Variants in CLEC11A observed in about 807,000 individuals in gnomAD.
The protein encoded by CLEC11A is C-type lectin domain family 11 member A.
A neutral mutation model predicts 33.9 loss-of-function variants in CLEC11A; 35 were observed. The observed-to-expected ratio is 1.03, with a 90% CI of 0.79 to 1.37. The LOEUF (loss-of-function observed/expected upper bound fraction) is 1.37. Among genes scored for constraint, CLEC11A ranks in the 40% most tolerant of loss-of-function variants. The pLI is 0.00. For missense variants in CLEC11A, 519 were observed against 455.5 expected (o/e 1.14, Z -1.27); for synonymous variants, 220 against 202.2 (o/e 1.09, Z -0.75).
Position 50,724,445 on chromosome 19 carries a change from C to A in CLEC11A, c.370C>A (p.Gln124Lys). ...RLAGLDAGLH[Q>K]LHVRLHALDT... ...GGCCGGCCTGGACGCAGGCCTGCACCAGCTGCACGTCCGTCTGCACGCGTT... is the reference window on the plus strand; with the variant it reads ...GGCCGGCCTGGACGCAGGCCTGCACAAGCTGCACGTCCGTCTGCACGCGTT... Residue 124 changes from glutamine (Q) to lysine (K), a missense_variant, in exon 3 of 4, where the codon CAG becomes AAG. Physicochemically the swap from Gln to Lys is moderately conservative, Grantham distance 53. Coordinates refer to ENST00000250340, the MANE Select transcript of CLEC11A (RefSeq NM_002975.3). The surrounding 1 kb of genome is among the most constrained non-coding windows in gnomAD (Gnocchi z 4.1). 6.4e-7 allele frequency: 1 copy of A among 1,556,338 alleles called. No individual in the cohort carries two copies. Among genetic ancestry groups the A allele is most frequent in the Middle Eastern group, 2.2e-4 (1 of 4,510 alleles).
rs1241917300 is a variant in CLEC11A at position 50,724,036 on chromosome 19, C to T, written c.279C>T (p.Thr93=). The T allele has an allele frequency of 3.1e-6, 5 of 1,611,864 alleles. No individual in the cohort carries two copies. In the South Asian group the frequency reaches 5.5e-5, roughly 18 times the overall value. Residue 93 remains threonine, a synonymous_variant, in exon 2 of 4, where the codon ACC becomes ACT. Coordinates refer to ENST00000250340, the MANE Select transcript of CLEC11A (RefSeq NM_002975.3). The surrounding 1 kb of genome is among the most constrained non-coding windows in gnomAD (Gnocchi z 4.1). ...AAGAGGAGGAGGAAGCAACGCCAAC[C>T]CCATCCTCCGGCCCCAGCCCCTCTC... The part of the protein sequence containing the change: ...GEEEEEEATP[T]PSSGPSPSPT...
chr19:50,724,739 G>A lies in CLEC11A; in HGVS notation c.526+138G>A, dbSNP rs1432112085. 3.6e-5 allele frequency: 43 copies of A among 1,192,912 alleles called. 1 individual carries two copies. The South Asian group carries it at 4.1e-4, about 11-fold the overall frequency. The allele number at this position is 1,192,912 out of a possible 1,614,324, so 73.9% of individuals were successfully genotyped here. ...GTGTGCTAGCGGACGGGGTTAGAGA[G>A]CTGGGAGGCTGAATGCAGGGAGCGG... is the stretch of plus-strand genomic sequence containing the variant. On this transcript the variant is annotated intron_variant, in intron 3 of 3. Transcript: ENST00000250340. The surrounding 1 kb of genome is among the most constrained non-coding windows in gnomAD (Gnocchi z 4.1).
Position 50,723,672 on chromosome 19 carries a change from G to A in CLEC11A, c.147G>A (p.Lys49=). 1.3e-6 allele frequency: 2 copies of A among 1,580,452 alleles called. No individual in the cohort carries two copies. The highest frequency in any genetic ancestry group is 2.4e-5 in the South Asian group (2 of 84,234). ...GGGAGAGGGAGGCCCTGATGCTGAA[G>A]GTGAGCTCTGGAGTGTCAGGGAGCT... ...EEREREALML[K]HLQEALGLPA... The change falls in exon 1 of 4, where the codon AAG becomes AAA. Residue 49 remains lysine, a splice_region_variant and synonymous_variant. Coordinates refer to ENST00000250340, the MANE Select transcript of CLEC11A (RefSeq NM_002975.3). The surrounding 1 kb of genome is among the most constrained non-coding windows in gnomAD (Gnocchi z 4.1).
rs2089178054 is a variant in CLEC11A at position 50,725,279 on chromosome 19, T to C, written c.784T>C (p.Phe262Leu). 1 of 1,611,890 alleles carries C rather than the reference T, an allele frequency of 6.2e-7. No individual in the cohort carries two copies. The highest frequency in any genetic ancestry group is 8.5e-7 in the Non-Finnish European group (1 of 1,179,408). ...CGAAAACGGCCAGCGCGTGTCCTTC[T>C]TCGCCTGGCATCGCTCACCCCGCCC... Reference protein sequence around the residue: ...LFENGQRVSFFAWHRSPRPEL... With the variant: ...LFENGQRVSFLAWHRSPRPEL... The change falls in exon 4 of 4, where the codon TTC (phenylalanine) becomes CTC (leucine). Residue 262 changes from phenylalanine (F) to leucine (L), a missense_variant. Physicochemically the swap from Phe to Leu is conservative, Grantham distance 22. Transcript: ENST00000250340.
chr19:50,724,295 G>GCCCCCCCCCCCC lies in CLEC11A; in HGVS notation c.335-107_335-106insCCCCCCCCCCCC. 8.8e-7 allele frequency: 1 copy of GCCCCCCCCCCCC among 1,130,922 alleles called. No individual in the cohort carries two copies. Among genetic ancestry groups the GCCCCCCCCCCCC allele is most frequent in the East Asian group, 2.8e-5 (1 of 35,482 alleles). The allele number at this position is 1,130,922 out of a possible 1,614,324, so 70.1% of individuals were successfully genotyped here. On this transcript the variant is annotated intron_variant, in intron 2 of 3. Transcript: ENST00000250340. This position sits in a 1 kb window ranked among gnomAD's most constrained non-coding sequence, Gnocchi z 4.1. ...ACCCTACCTTCCAGGAGTCCGGGGT[G>GCCCCCCCCCCCC]CCCCCCCCACCGCCACCCCGCCCTC...
Position 50,724,398 on chromosome 19 carries a change from G to C in CLEC11A, c.335-12G>C. ...AGGCTCCCCCTCCAGCATGATCCCT[G>C]TCTGTCCGCAGTGGGCCGCCTGGCC... On this transcript the variant is annotated splice_polypyrimidine_tract_variant and intron_variant, in intron 2 of 3. Coordinates refer to ENST00000250340, the MANE Select transcript of CLEC11A (RefSeq NM_002975.3). This position sits in a 1 kb window ranked among gnomAD's most constrained non-coding sequence, Gnocchi z 4.1. 6.7e-7 allele frequency: 1 copy of C among 1,494,472 alleles called. No individual in the cohort carries two copies. Among genetic ancestry groups the C allele is most frequent in the Non-Finnish European group, 8.9e-7 (1 of 1,129,560 alleles). 92.6% of individuals were successfully genotyped at this position (1,494,472 alleles called of 1,614,324 possible).
In CLEC11A at chr19:50,723,550, G is replaced by T. The variant is rs749436329; in HGVS notation, c.25G>T (p.Ala9Ser). The change falls in exon 1 of 4, where the codon GCT becomes TCT. Residue 9 changes from alanine (A) to serine (S), a missense_variant. By Grantham distance (99) the Ala-to-Ser change is moderately conservative. Transcript: ENST00000250340. This position sits in a 1 kb window ranked among gnomAD's most constrained non-coding sequence, Gnocchi z 4.1. MQAAWLLG[A>S]LVVPQLLGFG... ...AATGCAGGCAGCCTGGCTTTTGGGGGCTTTGGTGGTCCCCCAGCTCTTGGG... is the reference window on the plus strand; with the variant it reads ...AATGCAGGCAGCCTGGCTTTTGGGGTCTTTGGTGGTCCCCCAGCTCTTGGG... 6.2e-7 allele frequency: 1 copy of T among 1,612,466 alleles called. No homozygotes were observed. The highest frequency in any genetic ancestry group is 1.1e-5 in the South Asian group (1 of 90,998).
chr19:50,724,394 C>G lies in CLEC11A; in HGVS notation c.335-16C>G, dbSNP rs1288332481. 2.0e-6 allele frequency: 3 copies of G among 1,486,924 alleles called. No individual in the cohort carries two copies. Among genetic ancestry groups the G allele is most frequent in the Non-Finnish European group, 2.7e-6 (3 of 1,125,270 alleles). 92.1% of individuals were successfully genotyped at this position (1,486,924 alleles called of 1,614,324 possible). On this transcript the variant is annotated splice_polypyrimidine_tract_variant and intron_variant, in intron 2 of 3. Coordinates refer to ENST00000250340, the MANE Select transcript of CLEC11A (RefSeq NM_002975.3). This position sits in a 1 kb window ranked among gnomAD's most constrained non-coding sequence, Gnocchi z 4.1. ...CTCCAGGCTCCCCCTCCAGCATGATCCCTGTCTGTCCGCAGTGGGCCGCCT... is the reference window on the plus strand; with the variant it reads ...CTCCAGGCTCCCCCTCCAGCATGATGCCTGTCTGTCCGCAGTGGGCCGCCT...
At position 50,724,882 on chromosome 19, in the gene CLEC11A, G is replaced by T. The variant is rs2089171764; in HGVS notation, c.527-140G>T. 1 of 1,399,634 alleles carries T rather than the reference G, an allele frequency of 7.1e-7. No homozygotes were observed. Among genetic ancestry groups the T allele is most frequent in the African/African-American group, 1.5e-5 (1 of 65,564 alleles). The allele number at this position is 1,399,634 out of a possible 1,614,324, so 86.7% of individuals were successfully genotyped here. A position where few individuals can be genotyped will look rare whatever the true frequency, so the allele number is the denominator to read the frequency against. On this transcript the variant is annotated intron_variant, in intron 3 of 3. Coordinates refer to ENST00000250340, the MANE Select transcript of CLEC11A (RefSeq NM_002975.3). The surrounding 1 kb of genome is among the most constrained non-coding windows in gnomAD (Gnocchi z 4.1). ...AGACTCTCCACCTCCTGGCTCCCGC[G>T]GTTCTGACCACGCCTCCTCCCAGCC...
chr19:50,724,483 G>A lies in CLEC11A; in HGVS notation c.408G>A (p.Val136=). The A allele has an allele frequency of 6.3e-7, 1 of 1,578,990 alleles. No individual in the cohort carries two copies. The highest frequency in any genetic ancestry group is 8.5e-7 in the Non-Finnish European group (1 of 1,170,096). Residue 136 remains valine, a synonymous_variant, in exon 3 of 4, where the codon GTG becomes GTA. Transcript: ENST00000250340. This position sits in a 1 kb window ranked among gnomAD's most constrained non-coding sequence, Gnocchi z 4.1. ...HVRLHALDTR[V]VELTQGLRQL... ...GTCTGCACGCGTTGGACACCCGCGTGGTCGAGCTGACCCAGGGGCTGCGGC... is the reference window on the plus strand; with the variant it reads ...GTCTGCACGCGTTGGACACCCGCGTAGTCGAGCTGACCCAGGGGCTGCGGC...
At position 50,725,523 on chromosome 19, in the gene CLEC11A, G is replaced by T; in HGVS notation, c.*56G>T. The T allele has an allele frequency of 2.0e-6, 3 of 1,480,448 alleles. No individual in the cohort carries two copies. The highest frequency in any genetic ancestry group is 2.7e-6 in the Non-Finnish European group (3 of 1,111,152). The allele number at this position is 1,480,448 out of a possible 1,614,324, so 91.7% of individuals were successfully genotyped here. A position where few individuals can be genotyped will look rare whatever the true frequency, so the allele number is the denominator to read the frequency against. On this transcript the variant is annotated 3_prime_UTR_variant, in exon 4 of 4. Coordinates refer to ENST00000250340, the MANE Select transcript of CLEC11A (RefSeq NM_002975.3). ...CCACCACCCGGCCTTTCCCTGCGCC[G>T]TGCCCACCCTCCTCCGGAATCTCCC... is the stretch of plus-strand genomic sequence containing the variant.
At position 50,724,665 on chromosome 19, in the gene CLEC11A, GAGA is replaced by G. The variant is rs1373443145; in HGVS notation, c.526+67_526+69del. The G allele has an allele frequency of 1.5e-6, 2 of 1,354,806 alleles. No individual in the cohort carries two copies. Among genetic ancestry groups the G allele is most frequent in the African/African-American group, 3.1e-5 (2 of 65,180 alleles). 83.9% of individuals were successfully genotyped at this position (1,354,806 alleles called of 1,614,324 possible). ...ATCTGGGCCAGGAATGGGACTGGTT[GAGA>G]AGGTGACCCTAGGTGTCCGGGGCGG... On this transcript the variant is annotated intron_variant, in intron 3 of 3. Transcript: ENST00000250340. This position sits in a 1 kb window ranked among gnomAD's most constrained non-coding sequence, Gnocchi z 4.1.
Position 50,725,234 on chromosome 19 carries a change from G to T in CLEC11A, c.739G>T (p.Ala247Ser), listed in dbSNP as rs1288223683. ...PVWLGVHDRR[A>S]EGLYLFENGQ... ...GTGGCTGGGCGTGCACGATCGGCGC[G>T]CCGAGGGCCTCTACCTCTTCGAAAA... The change falls in exon 4 of 4, where the codon GCC (alanine) becomes TCC (serine). Residue 247 changes from alanine to serine, a missense_variant. By Grantham distance (99) the Ala-to-Ser change is moderately conservative. Transcript: ENST00000250340. The T allele has an allele frequency of 6.2e-6, 10 of 1,602,200 alleles. No individual in the cohort carries two copies. Among genetic ancestry groups the T allele is most frequent in the Non-Finnish European group, 8.5e-6 (10 of 1,175,376 alleles).
Position 50,724,339 on chromosome 19 carries a change from T to C in CLEC11A, c.335-71T>C. 6.7e-6 allele frequency: 8 copies of C among 1,193,036 alleles called. No individual in the cohort carries two copies. Among genetic ancestry groups the C allele is most frequent in the Non-Finnish European group, 9.0e-6 (8 of 891,914 alleles). 73.9% of individuals were successfully genotyped at this position (1,193,036 alleles called of 1,614,324 possible). ...CGCCCTCAGGAGCCCTAGATCCCAG[T>C]TCTCCAGGTCCTCAGGCCCCCCGCT... On this transcript the variant is annotated intron_variant, in intron 2 of 3. Coordinates refer to ENST00000250340, the MANE Select transcript of CLEC11A (RefSeq NM_002975.3). This position sits in a 1 kb window ranked among gnomAD's most constrained non-coding sequence, Gnocchi z 4.1.
Position 50,724,598 on chromosome 19 carries a change from G to C in CLEC11A, c.523G>C (p.Glu175Gln), listed in dbSNP as rs71355166. 8.5e-6 allele frequency: 12 copies of C among 1,409,922 alleles called. No individual in the cohort carries two copies. Among genetic ancestry groups the C allele is most frequent in the African/African-American group, 3.0e-5 (2 of 66,266 alleles). The allele number at this position is 1,409,922 out of a possible 1,614,324, so 87.3% of individuals were successfully genotyped here. A position where few individuals can be genotyped will look rare whatever the true frequency, so the allele number is the denominator to read the frequency against. The part of the protein sequence containing the change: ...GRAEREHGRL[E>Q]GCLKGLRLGH... ...CGCCGAGCGCGAGCACGGCCGCTTG[G>C]AGGGTGAGTCCGCGGCGCGCGGGGT... Residue 175 changes from glutamate to glutamine, a missense_variant, in exon 3 of 4, where the codon GAG becomes CAG. Glu to Gln is a conservative substitution (Grantham distance 29, BLOSUM62 2). Transcript: ENST00000250340. The surrounding 1 kb of genome is among the most constrained non-coding windows in gnomAD (Gnocchi z 4.1).
chr19:50,725,200 C>A lies in CLEC11A; in HGVS notation c.705C>A (p.Asn235Lys). 6.3e-7 allele frequency: 1 copy of A among 1,592,480 alleles called. No individual in the cohort carries two copies. Among genetic ancestry groups the A allele is most frequent in the Non-Finnish European group, 8.5e-7 (1 of 1,170,534 alleles). Residue 235 changes from asparagine (N) to lysine (K), a missense_variant, in exon 4 of 4, where the codon AAC (asparagine) becomes AAA (lysine). Transcript: ENST00000250340. ...RYLRAALAPY[N>K]WPVWLGVHDR... ...TGCGCGCGGCGCTCGCTCCCTACAA[C>A]TGGCCCGTGTGGCTGGGCGTGCACG...
rs1243704052 is a variant in CLEC11A, at chr19:50,724,845, C to G, written c.527-177C>G. The G allele has an allele frequency of 7.2e-7, 1 of 1,392,250 alleles. No individual in the cohort carries two copies. Among genetic ancestry groups the G allele is most frequent in the East Asian group, 2.8e-5 (1 of 35,868 alleles). 86.2% of individuals were successfully genotyped at this position (1,392,250 alleles called of 1,614,324 possible). Reference sequence around the variant, plus strand: ...TCCAGCTCCCACCGCCTGGCCCCGCCCCTGGCGGACCAGACTCTCCACCTC... The same window carrying G: ...TCCAGCTCCCACCGCCTGGCCCCGCGCCTGGCGGACCAGACTCTCCACCTC... On this transcript the variant is annotated intron_variant, in intron 3 of 3. Transcript: ENST00000250340. The surrounding 1 kb of genome is among the most constrained non-coding windows in gnomAD (Gnocchi z 4.1).
rs752036565 is a variant in CLEC11A at position 50,724,569 on chromosome 19, G to T, written c.494G>T (p.Gly165Val). 2.4e-5 allele frequency: 35 copies of T among 1,455,200 alleles called. No homozygotes were observed. Among genetic ancestry groups the T allele is most frequent in the African/African-American group, 4.4e-5 (3 of 67,896 alleles). 90.1% of individuals were successfully genotyped at this position (1,455,200 alleles called of 1,614,324 possible). ...GTGCAAGCCCTGCAGGAGGCGCAGG[G>T]TCGCGCCGAGCGCGAGCACGGCCGC... ...DAVQALQEAQ[G>V]RAEREHGRLE... The change falls in exon 3 of 4, where the codon GGT (glycine) becomes GTT (valine). Residue 165 changes from glycine to valine, a missense_variant. Physicochemically the swap from Gly to Val is moderately radical, Grantham distance 109. Transcript: ENST00000250340. This position sits in a 1 kb window ranked among gnomAD's most constrained non-coding sequence, Gnocchi z 4.1.
In CLEC11A at chr19:50,723,463, G is replaced by A; in HGVS notation, c.-63G>A. 2 of 1,595,282 alleles carry A rather than the reference G, an allele frequency of 1.3e-6. No individual in the cohort carries two copies. Among genetic ancestry groups the A allele is most frequent in the Non-Finnish European group, 1.7e-6 (2 of 1,166,482 alleles). On this transcript the variant is annotated 5_prime_UTR_variant, in exon 1 of 4. Coordinates refer to ENST00000250340, the MANE Select transcript of CLEC11A (RefSeq NM_002975.3). This position sits in a 1 kb window ranked among gnomAD's most constrained non-coding sequence, Gnocchi z 4.1. ...GCAGGGGCACTCGGCAGTTCCCAGA[G>A]GCCACCCCTCCCACCCCAGACATCC... is the stretch of plus-strand genomic sequence containing the variant.
Sources: allele counts gnomAD v4.1 joint callset, GRCh38; gene constraint gnomAD v4.1.1; non-coding constraint Gnocchi (gnomAD v3.1); transcripts MANE v1.5; gene names NCBI Gene and HGNC (gene_info 2026-07-23, HGNC 2026-07-21).